The following NCK1 variants were observed in gnomAD, a reference collection of about 807,000 sequenced individuals.
The protein encoded by NCK1 is SH2/SH3 adapter protein NCK1.
NCK1 carries 19 observed loss-of-function variants against 36.6 expected under a neutral mutation model. That is an observed-to-expected ratio of 0.52 (90% CI 0.36 to 0.76). The LOEUF is 0.76. NCK1 is among the 30% of genes least tolerant of loss of function. The probability of loss-of-function intolerance (pLI) is 0.00; values close to 1 mark genes in which losing one functional copy is unlikely to be tolerated. For missense variants in NCK1, 358 were observed against 445.6 expected (o/e 0.80, Z 1.77); for synonymous variants, 165 against 156.0 (o/e 1.06, Z -0.43).
chr3:136,865,067 T>A (rs1938374901), intron 1 of NCK1, among the ~76,000 whole-genome samples: 1 of 152,032 alleles, frequency 6.6e-6, no homozygotes, highest in African/African-American at 2.4e-5. Flanking sequence ...CAAGCAATTC[T>A]CTGCCTCAGC....
At chr3:136,929,337 C>G (rs1470121469) in intron 2 of NCK1, among the ~76,000 whole-genome samples, 1 of 152,030 alleles carries the variant, frequency 6.6e-6, no homozygotes, top group Admixed American at 6.6e-5. Flanking sequence ...ACTGCAAAAA[C>G]TAAAATATAG....
intron 1 of NCK1, among the ~76,000 whole-genome samples, chr3:136,889,740 C>T (rs1375702447): frequency 6.6e-6 from 1 of 152,152 alleles, no homozygotes; most frequent in African/African-American, 2.4e-5. Context: ...CAAAGGTTCT[C>T]CAAGTCCCCA....
intron 1 of NCK1, among the ~76,000 whole-genome samples, chr3:136,878,744 T>C (rs987135441): frequency 6.6e-6 from 1 of 151,878 alleles, no homozygotes; most frequent in Non-Finnish European, 1.5e-5. Flanking sequence ...TAGATTCCTT[T>C]GTTAGTTTGT....
intron 1 of NCK1, among the ~76,000 whole-genome samples, chr3:136,889,908 C>G (rs1939189042): frequency 6.6e-6 from 1 of 152,108 alleles, no homozygotes; most frequent in African/African-American, 2.4e-5. Context: ...CTCCAAGGCC[C>G]CACCAGACTC....
At chr3:136,943,268 G>A (rs1940724011) in intron 2 of NCK1, among the ~76,000 whole-genome samples, 1 of 152,048 alleles carries the variant, frequency 6.6e-6, no homozygotes, top group Non-Finnish European at 1.5e-5. Flanking sequence ...ACTATTTTTG[G>A]TGGTATCACC....
chr3:136,867,181 T>C (rs201725436), intron 1 of NCK1, among the ~76,000 whole-genome samples: 18 of 57,676 alleles, frequency 3.1e-4, no homozygotes, highest in African/African-American at 1.6e-3. Flanking sequence ...TCCTTCCTTC[T>C]TTCTTTCTTT....
At chr3:136,891,283 GGCCACCA>G (rs1438432491) in intron 1 of NCK1, among the ~76,000 whole-genome samples, 135 of 152,204 alleles carry the variant, frequency 8.9e-4, no homozygotes, top group African/African-American at 3.2e-3. Flanking sequence ...TCCAGGCATG[GGCCACCA>G]TGCCTGGTTA....
At chr3:136,889,588 T>C (rs967406013) in intron 1 of NCK1, among the ~76,000 whole-genome samples, 4 of 152,092 alleles carry the variant, frequency 2.6e-5, no homozygotes, top group Non-Finnish European at 5.9e-5. Flanking sequence ...TATTCTCTTA[T>C]CTGGCCCCAC....
At chr3:136,943,334 A>G (rs1392908322) in intron 2 of NCK1, among the ~76,000 whole-genome samples, 1 of 152,180 alleles carries the variant, frequency 6.6e-6, no homozygotes, top group African/African-American at 2.4e-5. Flanking sequence ...GAAAATTAGG[A>G]AGGAAGAAGT....
intron 1 of NCK1, among the ~76,000 whole-genome samples, chr3:136,914,453 A>G (rs533470779): frequency 6.6e-6 from 1 of 152,300 alleles, no homozygotes; most frequent in South Asian, 2.1e-4. Context: ...CTAGGTGGAG[A>G]GAAGATTCTT....
At chr3:136,907,963 A>C (rs2108107947) in intron 1 of NCK1, among the ~76,000 whole-genome samples, 1 of 152,338 alleles carries the variant, frequency 6.6e-6, no homozygotes, top group Admixed American at 6.5e-5. Context: ...AAGAGAGAGA[A>C]CATCCTTAAC....
At chr3:136,899,771 CT>C in intron 1 of NCK1, 3 of 1,339,164 alleles carry the variant, frequency 2.2e-6, no homozygotes, top group Non-Finnish European at 3.2e-6. Context: ...TATCTTGAGA[CT>C]TCTGCACATT....
intron 1 of NCK1, among the ~76,000 whole-genome samples, chr3:136,864,937 T>A (rs1938369084): frequency 6.7e-6 from 1 of 148,500 alleles, no homozygotes; most frequent in South Asian, 2.1e-4. Flanking sequence ...TTTTTGTATA[T>A]ATATATATTT....
At chr3:136,915,103 T>TA (rs1381890766) in intron 1 of NCK1, among the ~76,000 whole-genome samples, 11 of 150,354 alleles carry the variant, frequency 7.3e-5, no homozygotes, top group African/African-American at 2.4e-4. Context: ...TTGAGCCAAA[T>TA]AAGCCTTTTT....
intron 1 of NCK1, among the ~76,000 whole-genome samples, chr3:136,865,666 A>G (rs1237693448): frequency 1.3e-5 from 2 of 152,240 alleles, no homozygotes; most frequent in African/African-American, 4.8e-5. Flanking sequence ...TTCATTAATA[A>G]GTAAAATTGA....
chr3:136,906,865 T>C (rs1939700498), intron 1 of NCK1, among the ~76,000 whole-genome samples: 1 of 152,148 alleles, frequency 6.6e-6, no homozygotes, highest in Admixed American at 6.5e-5. Flanking sequence ...TGGTGGTCTA[T>C]GCTAGGTGAT....
intron 2 of NCK1, among the ~76,000 whole-genome samples, chr3:136,934,568 G>A (rs1005100587): frequency 6.6e-6 from 1 of 152,070 alleles, no homozygotes; most frequent in Non-Finnish European, 1.5e-5. Context: ...TTACAGGTGT[G>A]CACCACCGCG....
At chr3:136,926,638 C>T (rs1187149244) in intron 1 of NCK1, among the ~76,000 whole-genome samples, 1 of 152,156 alleles carries the variant, frequency 6.6e-6, no homozygotes, top group Non-Finnish European at 1.5e-5. Context: ...ACTCCTCTTG[C>T]TACATCCCAC....
Position 136,950,810 on chromosome 3 carries a change from A to G in NCK1, c.*2357A>G, listed in dbSNP as rs1940953025. Among the ~76,000 whole-genome samples the G allele has an allele frequency of 1.3e-5, 2 of 152,130 alleles. No homozygotes were observed. Among genetic ancestry groups the G allele is most frequent in the Non-Finnish European group, 2.9e-5 (2 of 68,000 alleles). On this transcript the variant is annotated 3_prime_UTR_variant, in exon 4 of 4. Transcript: ENST00000481752. ...CACATGAGGAGAATGCTTAGTTTCA[A>G]ATTTAAATACATGTGTCAGATGGAA...
Sources: gnomAD v4.1 joint callset for allele counts (sites outside exome capture counted in the v4.1 genomes callset) on GRCh38, gnomAD v4.1.1 for gene constraint, MANE v1.5 for transcripts, NCBI Gene and HGNC (gene_info 2026-07-23, HGNC 2026-07-21) for gene names.